Variants in RAB31 observed in about 807,000 individuals in gnomAD.
RAB31 encodes the protein RAB31, member RAS oncogene family.
Under a neutral mutation model 25.6 loss-of-function variants are expected in RAB31, and 21 were observed. The ratio of observed to expected loss-of-function variants is 0.82; its 90% CI spans 0.58 to 1.18. The LOEUF (loss-of-function observed/expected upper bound fraction) is 1.18, where lower values mean the gene tolerates loss of function less well. RAB31 is among the 50% of genes most tolerant of loss of function. The pLI is 0.00. For missense variants in RAB31, 196 were observed against 250.1 expected (o/e 0.78, Z 1.46); for synonymous variants, 87 against 84.0 (o/e 1.04, Z -0.20).
chr18:9,845,460 T>A (rs2068756491), intron 5 of RAB31, 122 bp from the exon 6 acceptor site: 1 of 856,768 alleles, frequency 1.2e-6, no homozygotes, highest in Non-Finnish European at 1.7e-6. Flanking sequence ...TGCTGAGTGA[T>A]TGAATTATTA....
intron 1 of RAB31, among the ~76,000 whole-genome samples, chr18:9,755,303 C>T (rs1467081444): frequency 6.6e-6 from 1 of 152,148 alleles, no homozygotes; most frequent in Non-Finnish European, 1.5e-5. Context: ...TGACTTTTCC[C>T]TTAGTCACCA....
Position 9,859,549 on chromosome 18 carries a change from G to A in RAB31, c.*224G>A. On this transcript the variant is annotated 3_prime_UTR_variant, in exon 7 of 7. Transcript: ENST00000578921. Reference sequence around the variant, plus strand: ...ACACCACCACAAAATGGCCTTTAGTGTATGAAATGCACATGGAGGGGATGT... The same window carrying A: ...ACACCACCACAAAATGGCCTTTAGTATATGAAATGCACATGGAGGGGATGT... 2.7e-6 allele frequency: 1 copy of A among 374,584 alleles called. No homozygotes were observed. The highest frequency in any genetic ancestry group is 4.8e-6 in the Non-Finnish European group (1 of 210,172). The allele number at this position is 374,584 out of a possible 1,614,324, so 23.2% of individuals were successfully genotyped here.
chr18:9,860,897 T>C lies in RAB31; in HGVS notation c.*1572T>C, dbSNP rs1056066583. The C allele has an allele frequency of 5.3e-5, 8 of 152,190 alleles. No individual in the cohort carries two copies. The highest frequency in any genetic ancestry group is 1.9e-4 in the African/African-American group (8 of 41,438). 9.4% of individuals were successfully genotyped at this position (152,190 alleles called of 1,614,324 possible). On this transcript the variant is annotated 3_prime_UTR_variant, in exon 7 of 7. Coordinates refer to ENST00000578921, the MANE Select transcript of RAB31 (RefSeq NM_006868.4). ...AGAGAGTTCATTGACAGTGTTAGGATGTGAAGGCTGGGAAACACTTATTTT... is the reference window on the plus strand; with the variant it reads ...AGAGAGTTCATTGACAGTGTTAGGACGTGAAGGCTGGGAAACACTTATTTT...
chr18:9,780,572 T>A (rs2068398063), intron 2 of RAB31, among the ~76,000 whole-genome samples: 1 of 152,242 alleles, frequency 6.6e-6, no homozygotes, highest in African/African-American at 2.4e-5. Flanking sequence ...TTAAAAACAA[T>A]TTTTAATGGT....
intron 5 of RAB31, among the ~76,000 whole-genome samples, chr18:9,832,940 G>C (rs751606399): frequency 1.3e-5 from 2 of 152,060 alleles, no homozygotes; most frequent in Non-Finnish European, 1.5e-5. Context: ...CTGCAGCTGA[G>C]GGTTCCCGCT....
At chr18:9,783,938 C>A (rs939836553) in intron 2 of RAB31, among the ~76,000 whole-genome samples, 1 of 152,174 alleles carries the variant, frequency 6.6e-6, no homozygotes, top group Non-Finnish European at 1.5e-5. Flanking sequence ...ATCTCATACA[C>A]CATTATGGAC....
At chr18:9,770,550 C>T (rs2068339136) in intron 1 of RAB31, among the ~76,000 whole-genome samples, 1 of 152,182 alleles carries the variant, frequency 6.6e-6, no homozygotes, top group African/African-American at 2.4e-5. Context: ...ATCCATTTCC[C>T]AGGAAGTAGA....
At position 9,860,919 on chromosome 18, in the gene RAB31, T is replaced by C. The variant is rs180971981; in HGVS notation, c.*1594T>C. On this transcript the variant is annotated 3_prime_UTR_variant, in exon 7 of 7. Coordinates refer to ENST00000578921, the MANE Select transcript of RAB31 (RefSeq NM_006868.4). ...GGATGTGAAGGCTGGGAAACACTTA[T>C]TTTGCTTCAAGAGTTCCACTTGGCT... 7.9e-5 allele frequency: 12 copies of C among 152,294 alleles called. No individual in the cohort carries two copies. Among genetic ancestry groups the C allele is most frequent in the African/African-American group, 2.6e-4 (11 of 41,554 alleles). 9.4% of individuals were successfully genotyped at this position (152,294 alleles called of 1,614,324 possible). A position where few individuals can be genotyped will look rare whatever the true frequency, so the allele number is the denominator to read the frequency against.
chr18:9,716,240 T>C (rs1288466216), intron 1 of RAB31, among the ~76,000 whole-genome samples: 1 of 152,214 alleles, frequency 6.6e-6, no homozygotes, highest in Non-Finnish European at 1.5e-5. Flanking sequence ...TGTCTGATTG[T>C]TTCCTCATTA....
intron 6 of RAB31, 124 bp from the exon 7 acceptor site, chr18:9,859,104 C>G: frequency 1.4e-6 from 1 of 716,874 alleles, no homozygotes; most frequent in Non-Finnish European, 2.3e-6. Context: ...GAAAGGAGCC[C>G]CTCCAGGAAC....
intron 5 of RAB31, among the ~76,000 whole-genome samples, chr18:9,833,813 G>A (rs1286969488): frequency 6.6e-6 from 1 of 152,110 alleles, no homozygotes; most frequent in African/African-American, 2.4e-5. Context: ...TAAATTGGCT[G>A]GAATAAACCT....
chr18:9,767,113 G>T (rs1007852197), intron 1 of RAB31, among the ~76,000 whole-genome samples: 1 of 152,196 alleles, frequency 6.6e-6, no homozygotes, highest in Non-Finnish European at 1.5e-5. Context: ...AGAAGGAGAT[G>T]CTGGAATTAT....
intron 1 of RAB31, among the ~76,000 whole-genome samples, chr18:9,747,951 C>A (rs74667313): frequency 1.3e-5 from 2 of 152,068 alleles, no homozygotes; most frequent in East Asian, 3.9e-4. Context: ...TAAATATTCT[C>A]CCCCTGAAAA....
At chr18:9,709,242 A>C (rs960033552) in intron 1 of RAB31, among the ~76,000 whole-genome samples, 3 of 152,180 alleles carry the variant, frequency 2.0e-5, no homozygotes, top group African/African-American at 4.8e-5. Flanking sequence ...GCGAGGACGC[A>C]GGGAGCCGCT....
intron 1 of RAB31, among the ~76,000 whole-genome samples, chr18:9,752,173 T>C (rs1030139511): frequency 6.6e-6 from 1 of 152,174 alleles, no homozygotes; most frequent in Non-Finnish European, 1.5e-5. Flanking sequence ...TTCTCCACCG[T>C]GCTTGCATTG....
chr18:9,752,848 A>G (rs1013588384), intron 1 of RAB31, among the ~76,000 whole-genome samples: 3 of 152,250 alleles, frequency 2.0e-5, no homozygotes, highest in African/African-American at 7.2e-5. Flanking sequence ...TACACTACGT[A>G]TAGGATGTTT....
chr18:9,815,071 A>G lies in RAB31; in HGVS notation c.274-45A>G, dbSNP rs142287289. On this transcript the variant is annotated intron_variant, in intron 4 of 6. Transcript: ENST00000578921. ...TGTATTTCTGCTTAGTTGAAATATT[A>G]TATTGAGGGGTCTTTCTAATGATTT... is the stretch of plus-strand genomic sequence containing the variant. The G allele has an allele frequency of 1.6e-3, 2,127 of 1,328,458 alleles. 30 individuals are homozygous for G. In the African/African-American group the frequency reaches 0.026, roughly 16 times the overall value. 82.3% of individuals were successfully genotyped at this position (1,328,458 alleles called of 1,614,324 possible). A position where few individuals can be genotyped will look rare whatever the true frequency, so the allele number is the denominator to read the frequency against.
At chr18:9,788,395 A>G (rs1299410984) in intron 2 of RAB31, among the ~76,000 whole-genome samples, 2 of 152,200 alleles carry the variant, frequency 1.3e-5, no homozygotes, top group African/African-American at 2.4e-5. Context: ...AAAAAATAAC[A>G]AGTGCTGGCA....
intron 5 of RAB31, among the ~76,000 whole-genome samples, chr18:9,825,480 A>T (rs1344551370): frequency 6.6e-6 from 1 of 152,244 alleles, no homozygotes; most frequent in Non-Finnish European, 1.5e-5. Context: ...TAAAAGTTTC[A>T]TGAATTCAAG....
Sources: allele counts gnomAD v4.1 joint callset (sites outside exome capture counted in the v4.1 genomes callset), GRCh38; gene constraint gnomAD v4.1.1; transcripts MANE v1.5; gene names NCBI Gene and HGNC (gene_info 2026-07-23, HGNC 2026-07-21).